The following DMXL1 variants were observed in gnomAD, a reference collection of about 807,000 sequenced individuals.
DMXL1 encodes the protein dmX-like protein 1.
In DMXL1, 99 loss-of-function variants were observed where a neutral mutation model predicts 319.2. That is an observed-to-expected ratio of 0.31 (90% CI 0.26 to 0.37). The LOEUF (loss-of-function observed/expected upper bound fraction) is 0.37. Ranked by LOEUF, DMXL1 falls within the 10% of genes least tolerant of loss-of-function variation. The probability of loss-of-function intolerance (pLI) is 1.00; values close to 1 mark genes in which losing one functional copy is unlikely to be tolerated. For missense variants in DMXL1, 3,745 were observed against 3,595.6 expected, an observed-to-expected ratio of 1.04 and a Z score of -1.06; for synonymous variants, 1,385 against 1,235.2, an observed-to-expected ratio of 1.12 and a Z score of -2.54.
intron 19 of DMXL1, among the ~76,000 whole-genome samples, chr5:119,156,814 C>A (rs549092288): frequency 6.6e-6 from 1 of 152,166 alleles, no homozygotes; most frequent in South Asian, 2.1e-4. Context: ...CTCCCCTTTT[C>A]GCCACTTCTT....
In DMXL1 at chr5:119,240,415, C is replaced by A; in HGVS notation, c.8652-4C>A. 2.0e-6 allele frequency: 3 copies of A among 1,497,038 alleles called. No homozygotes were observed. The highest frequency in any genetic ancestry group is 9.0e-7 in the Non-Finnish European group (1 of 1,114,806). The allele number at this position is 1,497,038 out of a possible 1,614,324, so 92.7% of individuals were successfully genotyped here. On this transcript the variant is annotated splice_polypyrimidine_tract_variant and splice_region_variant and intron_variant, in intron 41 of 43. Coordinates refer to ENST00000539542, the MANE Select transcript of DMXL1 (RefSeq NM_001290321.3). ...TCAGAAGTAATCTTTTTTTTTTTTT[C>A]CAGAAACGTATGTTTGTGGGATACT...
At chr5:119,094,581 C>T (rs2149763147) in intron 1 of DMXL1, among the ~76,000 whole-genome samples, 1 of 152,258 alleles carries the variant, frequency 6.6e-6, no homozygotes, top group Non-Finnish European at 1.5e-5. Context: ...GAAATGCTTC[C>T]AACTTTTAAA....
intron 13 of DMXL1, among the ~76,000 whole-genome samples, chr5:119,134,719 G>A (rs1765622539): frequency 6.6e-6 from 1 of 152,142 alleles, no homozygotes; most frequent in African/African-American, 2.4e-5. Context: ...AGGAGGAGCT[G>A]GAACAACAGG....
At chr5:119,163,940 G>A (rs1425803696) in intron 19 of DMXL1, among the ~76,000 whole-genome samples, 2 of 151,950 alleles carry the variant, frequency 1.3e-5, no homozygotes, top group Admixed American at 6.6e-5. Flanking sequence ...TCGAACTTCT[G>A]ACCTCAAGTG....
chr5:119,213,244 A>G (rs897746634), intron 34 of DMXL1, among the ~76,000 whole-genome samples: 1 of 152,178 alleles, frequency 6.6e-6, no homozygotes, highest in African/African-American at 2.4e-5. Context: ...AAATAAGTGT[A>G]GTCAGCAGTG....
At chr5:119,107,179 A>C (rs1758541148) in intron 4 of DMXL1, among the ~76,000 whole-genome samples, 1 of 151,980 alleles carries the variant, frequency 6.6e-6, no homozygotes, top group Non-Finnish European at 1.5e-5. Flanking sequence ...TCTACAAAAA[A>C]ATTTTTGAAA....
In DMXL1 at chr5:119,222,558, G is replaced by C. The variant is rs192196102; in HGVS notation, c.8277+1477G>C. On this transcript the variant is annotated intron_variant, in intron 37 of 43. Coordinates refer to ENST00000539542, the MANE Select transcript of DMXL1 (RefSeq NM_001290321.3). ...GGCACTTTTTTGAATTCCAACCTCA[G>C]AGATTACAATATAGTTCTTCCTGTA... Among the ~76,000 whole-genome samples, 183 of 152,254 alleles carry C rather than the reference G, an allele frequency of 1.2e-3. 1 individual carries two copies. The highest frequency in any genetic ancestry group is 2.3e-3 in the Non-Finnish European group (155 of 68,014).
At chr5:119,141,477 A>G (rs945543851) in intron 13 of DMXL1, among the ~76,000 whole-genome samples, 1 of 152,152 alleles carries the variant, frequency 6.6e-6, no homozygotes, top group East Asian at 1.9e-4. Flanking sequence ...CTGAGAACCA[A>G]TTCAGGAAGA....
chr5:119,211,646 A>C (rs1782825303), intron 34 of DMXL1, among the ~76,000 whole-genome samples: 1 of 152,128 alleles, frequency 6.6e-6, no homozygotes, highest in Non-Finnish European at 1.5e-5. Context: ...TTTTATGTTC[A>C]CCTGATTGCT....
At chr5:119,139,799 C>T (rs1458570558) in intron 13 of DMXL1, among the ~76,000 whole-genome samples, 1 of 152,158 alleles carries the variant, frequency 6.6e-6, no homozygotes, top group Non-Finnish European at 1.5e-5. Flanking sequence ...GCAGAACTCT[C>T]CACCCAAAAC....
intron 1 of DMXL1, among the ~76,000 whole-genome samples, chr5:119,077,674 ATGTG>A (rs369098761): frequency 7.2e-4 from 86 of 118,896 alleles, no homozygotes; most frequent in Non-Finnish European, 1.1e-3. Context: ...GTGTATATAT[ATGTG>A]TGTGTGTGTG....
chr5:119,232,838 C>T (rs1215156801), intron 38 of DMXL1, among the ~76,000 whole-genome samples: 1 of 150,042 alleles, frequency 6.7e-6, no homozygotes, highest in South Asian at 2.1e-4. Flanking sequence ...TACAAAATTA[C>T]AAAAAAAACA....
At chr5:119,206,589 G>A (rs916238249) in intron 33 of DMXL1, 1 of 287,990 alleles carries the variant, frequency 3.5e-6, no homozygotes, top group African/African-American at 2.2e-5. Flanking sequence ...AAACTTCTTA[G>A]GGTTAGAATA....
intron 4 of DMXL1, among the ~76,000 whole-genome samples, chr5:119,108,220 T>G (rs1580740858): frequency 6.6e-6 from 1 of 152,104 alleles, no homozygotes; most frequent in Non-Finnish European, 1.5e-5. Flanking sequence ...AAAAAGTGAT[T>G]GTTCTAGAAA....
chr5:119,078,532 C>T (rs1285522490), intron 1 of DMXL1, among the ~76,000 whole-genome samples: 1 of 152,116 alleles, frequency 6.6e-6, no homozygotes, highest in Non-Finnish European at 1.5e-5. Context: ...CTCACTGCAG[C>T]CTCAATCTCC....
intron 34 of DMXL1, among the ~76,000 whole-genome samples, chr5:119,211,283 A>G (rs1782764414): frequency 6.6e-6 from 1 of 152,146 alleles, no homozygotes; most frequent in Admixed American, 6.5e-5. Context: ...TGAATTGACG[A>G]AGGTTCTGTC....
At chr5:119,143,585 G>T (rs761461546) in intron 13 of DMXL1, among the ~76,000 whole-genome samples, 1 of 151,858 alleles carries the variant, frequency 6.6e-6, no homozygotes, top group Non-Finnish European at 1.5e-5. Flanking sequence ...TCACATTTAT[G>T]GATGTAATTT....
rs1274082759 is a variant in DMXL1, at chr5:119,166,657, A to G, written c.5012A>G (p.Asn1671Ser). The change falls in exon 22 of 44, where the codon AAT (asparagine) becomes AGT (serine). Residue 1671 changes from asparagine (N) to serine (S), a missense_variant. By Grantham distance (46) the Asn-to-Ser change is conservative. Around this residue, in one of 4 missense-constraint regions of DMXL1, gnomAD observed 2,096 missense variants for 1,985.4 expected, o/e 1.06. Transcript: ENST00000539542. ...NTRMTQFFGHNFEDERWRKAA... is the reference protein window; with the variant it reads ...NTRMTQFFGHSFEDERWRKAA... ...AGGATGACACAGTTTTTTGGACACA[A>G]TTTTGAGGATGAGAGGTGGCGTAAA... 3.1e-6 allele frequency: 5 copies of G among 1,610,708 alleles called. No homozygotes were observed. Among genetic ancestry groups the G allele is most frequent in the Non-Finnish European group, 4.2e-6 (5 of 1,178,916 alleles).
chr5:119,192,153 T>C (rs1778804411), intron 29 of DMXL1, among the ~76,000 whole-genome samples: 1 of 152,192 alleles, frequency 6.6e-6, no homozygotes, highest in African/African-American at 2.4e-5. Context: ...TGTAAGTCAC[T>C]GAGAAAAATA....
Sources: allele counts gnomAD v4.1 joint callset (sites outside exome capture counted in the v4.1 genomes callset), GRCh38; gene constraint gnomAD v4.1.1; regional missense constraint gnomAD v4.1.1; transcripts MANE v1.5; gene names NCBI Gene and HGNC (gene_info 2026-07-23, HGNC 2026-07-21).